Variants in FRMD4A observed in about 807,000 individuals in gnomAD.
FRMD4A encodes the protein FERM domain containing 4A, also known as FERM domain-containing protein 4A.
In FRMD4A, 29 loss-of-function variants were observed where a neutral mutation model predicts 129.1. That is an observed-to-expected ratio of 0.22 (90% CI 0.17 to 0.31). The LOEUF (loss-of-function observed/expected upper bound fraction) is 0.31. Among genes scored for constraint, FRMD4A ranks in the 10% least tolerant of loss-of-function variants. The probability of loss-of-function intolerance (pLI) is 1.00; values close to 1 mark genes in which losing one functional copy is unlikely to be tolerated. For synonymous variants in FRMD4A, 634 were observed against 571.6 expected (o/e 1.11, Z -1.56); for missense variants, 1,272 against 1,375.8 (o/e 0.92, Z 1.19).
intron 2 of FRMD4A, among the ~76,000 whole-genome samples, chr10:14,318,232 G>T (rs949575463): frequency 5.3e-5 from 8 of 151,836 alleles, no homozygotes; most frequent in Admixed American, 2.6e-4. Flanking sequence ...CCTAGGAAAT[G>T]ACCTCAGCCA....
chr10:13,985,146 G>A lies in FRMD4A; in HGVS notation c.46-126234C>T, dbSNP rs73589137. Among the ~76,000 whole-genome samples, 1,038 of 152,302 alleles carry A rather than the reference G, an allele frequency of 6.8e-3. 18 individuals carry two copies. The highest frequency in any genetic ancestry group is 0.022 in the African/African-American group (925 of 41,572). ...GCTGGCTCACCCTGACCTTTCCTCC[G>A]TCTGCTTGGTTTGCCTTCGCATTCC... On this transcript the variant is annotated intron_variant, in intron 2 of 24. Coordinates refer to ENST00000357447, the MANE Select transcript of FRMD4A (RefSeq NM_018027.5).
Position 13,989,314 on chromosome 10 carries a change from A to G in FRMD4A, c.46-130402T>C, listed in dbSNP as rs562885247. ...CTTCTGAACAAAGAAGCCCTGGCATATTATGGATGCTCAGGTGATATTAGA... is the reference window on the plus strand; with the variant it reads ...CTTCTGAACAAAGAAGCCCTGGCATGTTATGGATGCTCAGGTGATATTAGA... On this transcript the variant is annotated intron_variant, in intron 2 of 24. Coordinates refer to ENST00000357447, the MANE Select transcript of FRMD4A (RefSeq NM_018027.5). 1.5e-4 allele frequency among the ~76,000 whole-genome samples: 23 copies of G among 152,248 alleles called. No individual in the cohort carries two copies. The South Asian group carries it at 4.8e-3, about 32-fold the overall frequency.
chr10:13,830,060 C>T (rs1236732014), intron 3 of FRMD4A, among the ~76,000 whole-genome samples: 1 of 152,226 alleles, frequency 6.6e-6, no homozygotes, highest in Non-Finnish European at 1.5e-5. Context: ...CTCTCTCTCT[C>T]TCTTCCTTTC....
chr10:14,329,522 G>T (rs542268606), intron 2 of FRMD4A, among the ~76,000 whole-genome samples: 4 of 152,270 alleles, frequency 2.6e-5, no homozygotes, highest in Non-Finnish European at 5.9e-5. Flanking sequence ...GCCATCAATG[G>T]TAGATAGGAA....
chr10:14,220,812 T>TG (rs1843230839), intron 2 of FRMD4A, among the ~76,000 whole-genome samples: 2 of 45,356 alleles, frequency 4.4e-5, no homozygotes, highest in African/African-American at 8.6e-5. Context: ...GTGTGTGTGT[T>TG]TGTGTGTGTG....
At chr10:14,255,301 C>T (rs976610090) in intron 2 of FRMD4A, among the ~76,000 whole-genome samples, 21 of 152,188 alleles carry the variant, frequency 1.4e-4, no homozygotes, top group Admixed American at 3.9e-4. Flanking sequence ...TCGTTGCTGC[C>T]TTCTAACATA....
intron 6 of FRMD4A, among the ~76,000 whole-genome samples, chr10:13,774,493 C>A (rs945788102): frequency 6.6e-6 from 1 of 152,180 alleles, no homozygotes; most frequent in Admixed American, 6.5e-5. Context: ...GAATTCTATA[C>A]CCAGTGTGGA....
intron 2 of FRMD4A, among the ~76,000 whole-genome samples, chr10:13,864,309 T>C (rs1457928741): frequency 2.7e-5 from 4 of 146,564 alleles, no homozygotes; most frequent in Non-Finnish European, 6.0e-5. Context: ...GCAAAGCCAT[T>C]TCTTAAAGAC....
chr10:13,833,548 G>T lies in FRMD4A; in HGVS notation c.112-22640C>A, dbSNP rs544204425. On this transcript the variant is annotated intron_variant, in intron 3 of 24. Transcript: ENST00000357447. ...CTGACATTCATGGGGCATCTGCCCT[G>T]TGCCCGGTGGTTAAGGGCCCAGATT... is the stretch of plus-strand genomic sequence containing the variant. 5.3e-5 allele frequency among the ~76,000 whole-genome samples: 8 copies of T among 152,272 alleles called. No individual in the cohort carries two copies. In the South Asian group the frequency reaches 1.5e-3, roughly 28 times the overall value.
chr10:14,223,873 C>A (rs1275617838), intron 2 of FRMD4A, among the ~76,000 whole-genome samples: 1 of 152,030 alleles, frequency 6.6e-6, no homozygotes, highest in Non-Finnish European at 1.5e-5. Context: ...CCTCTGCAAC[C>A]CATGGGCACC....
intron 17 of FRMD4A, among the ~76,000 whole-genome samples, chr10:13,669,514 T>C (rs531153333): frequency 6.6e-6 from 1 of 152,326 alleles, no homozygotes; most frequent in South Asian, 2.1e-4. Context: ...ACCCTAATCC[T>C]ACCTACCCCA....
chr10:13,703,037 G>A (rs892305458), intron 13 of FRMD4A, among the ~76,000 whole-genome samples: 1 of 152,082 alleles, frequency 6.6e-6, no homozygotes, highest in Non-Finnish European at 1.5e-5. Flanking sequence ...AAAGAAAACA[G>A]GGATCTGTGC....
At chr10:14,306,075 G>T (rs757718717) in intron 2 of FRMD4A, among the ~76,000 whole-genome samples, 3 of 152,052 alleles carry the variant, frequency 2.0e-5, no homozygotes, top group Non-Finnish European at 2.9e-5. Context: ...AAAGCACCAC[G>T]GCACACATTT....
chr10:13,907,336 A>G (rs1222954730), intron 2 of FRMD4A, among the ~76,000 whole-genome samples: 1 of 152,232 alleles, frequency 6.6e-6, no homozygotes, highest in African/African-American at 2.4e-5. Context: ...TATGTACATT[A>G]TCTATAATCT....
chr10:13,892,024 C>G (rs2094705054), intron 2 of FRMD4A, among the ~76,000 whole-genome samples: 1 of 141,368 alleles, frequency 7.1e-6, no homozygotes. Flanking sequence ...AATGCGCGCC[C>G]CCGCCCCCCC....
rs1307748820 is a variant in FRMD4A at position 13,656,595 on chromosome 10, C to A, written c.2953+41G>T. Reference sequence around the variant, plus strand: ...GCCCTTGACACCGGCAAGCAGTTCGCCCTCAGGTCTTCCCGCGTGCACCTG... The same window carrying A: ...GCCCTTGACACCGGCAAGCAGTTCGACCTCAGGTCTTCCCGCGTGCACCTG... On this transcript the variant is annotated intron_variant, in intron 22 of 24. Coordinates refer to ENST00000357447, the MANE Select transcript of FRMD4A (RefSeq NM_018027.5). 5.2e-6 allele frequency: 7 copies of A among 1,358,646 alleles called. No individual in the cohort carries two copies. In the South Asian group the frequency reaches 1.0e-4, roughly 20 times the overall value. 84.2% of individuals were successfully genotyped at this position (1,358,646 alleles called of 1,614,324 possible). A position where few individuals can be genotyped will look rare whatever the true frequency, so the allele number is the denominator to read the frequency against.
chr10:13,862,329 G>A (rs1018237976), intron 2 of FRMD4A, among the ~76,000 whole-genome samples: 2 of 152,138 alleles, frequency 1.3e-5, no homozygotes, highest in South Asian at 4.1e-4. Context: ...AGTTTTAATC[G>A]CAGTAATAAA....
intron 2 of FRMD4A, among the ~76,000 whole-genome samples, chr10:14,290,460 C>T (rs980161501): frequency 3.3e-5 from 5 of 151,868 alleles, no homozygotes. Flanking sequence ...ACAATGATGC[C>T]AAGAATACAT....
chr10:14,051,256 C>A (rs1288449707), intron 2 of FRMD4A, among the ~76,000 whole-genome samples: 1 of 152,178 alleles, frequency 6.6e-6, no homozygotes, highest in Non-Finnish European at 1.5e-5. Context: ...AGTATCACAC[C>A]CTGTCCCTTC....
Sources: gnomAD v4.1 joint callset for allele counts (sites outside exome capture counted in the v4.1 genomes callset) on GRCh38, gnomAD v4.1.1 for gene constraint, MANE v1.5 for transcripts, NCBI Gene and HGNC (gene_info 2026-07-23, HGNC 2026-07-21) for gene names.